Variants in WDR82 observed in about 807,000 individuals in gnomAD.
WDR82 encodes the protein WD repeat domain 82, also known as WD repeat-containing protein 82.
Under a neutral mutation model 36.1 loss-of-function variants are expected in WDR82, and 8 were observed. The ratio of observed to expected loss-of-function variants is 0.22; its 90% CI spans 0.13 to 0.40. The LOEUF (loss-of-function observed/expected upper bound fraction) is 0.40. WDR82 is among the 10% of genes least tolerant of loss of function. The pLI is 1.00. For missense variants in WDR82, 185 were observed against 400.5 expected (o/e 0.46, Z 4.59); for synonymous variants, 129 against 137.8 (o/e 0.94, Z 0.45).
At chr3:52,268,571 A>G (rs1441791167) in intron 2 of WDR82, among the ~76,000 whole-genome samples, 4 of 152,224 alleles carry the variant, frequency 2.6e-5, no homozygotes, top group East Asian at 1.9e-4. Context: ...GGATGATCAC[A>G]TAGACATGTT....
Position 52,278,237 on chromosome 3 carries a change from T to A in WDR82, c.125A>T (p.Asp42Val). The A allele has an allele frequency of 6.2e-7, 1 of 1,608,084 alleles. No homozygotes were observed. Among genetic ancestry groups the A allele is most frequent in the Non-Finnish European group, 8.5e-7 (1 of 1,177,406 alleles). ...NGETVISSSD[D>V]DSIVLYDCQE... ...GCAGTCATAGAGCACGATGGAGTCG[T>A]CGTCGCTACTCGAGATGACCGTCTC... Residue 42 changes from aspartate (D) to valine (V), a missense_variant, in exon 1 of 9, where the codon GAC becomes GTC. Physicochemically the swap from Asp to Val is radical, Grantham distance 152. Around this residue, in one of 3 missense-constraint regions of WDR82, gnomAD observed 49 missense variants for 80.6 expected, o/e 0.61. Coordinates refer to ENST00000296490, the MANE Select transcript of WDR82 (RefSeq NM_025222.4).
At chr3:52,274,691 G>A (rs546698392) in intron 1 of WDR82, among the ~76,000 whole-genome samples, 1 of 151,950 alleles carries the variant, frequency 6.6e-6, no homozygotes, top group African/African-American at 2.4e-5. Context: ...ATCACTTGAG[G>A]TAAGATGTTG....
At position 52,258,723 on chromosome 3, in the gene WDR82, AC is replaced by A. The variant is rs752847442; in HGVS notation, c.770-46del. 4.8e-5 allele frequency: 78 copies of A among 1,611,862 alleles called. No homozygotes were observed. The South Asian group carries it at 8.2e-4, about 17-fold the overall frequency. ...AAAATGTAACAGCTCAAGGCGCAAT[AC>A]AAAGACAACTGGAAATGAGACATGG... On this transcript the variant is annotated intron_variant, in intron 7 of 8. Coordinates refer to ENST00000296490, the MANE Select transcript of WDR82 (RefSeq NM_025222.4).
In WDR82 at chr3:52,278,420, G is replaced by A; in HGVS notation, c.-59C>T. ...GCCGGGGCGGGGCCCGGCGGCGAGC[G>A]GGCGGGCTGCCGAGGGGCCAACCCA... On this transcript the variant is annotated 5_prime_UTR_variant, in exon 1 of 9. Transcript: ENST00000296490. 7 of 1,229,758 alleles carry A rather than the reference G, an allele frequency of 5.7e-6. No homozygotes were observed. The highest frequency in any genetic ancestry group is 2.7e-5 in the South Asian group (1 of 36,928). The allele number at this position is 1,229,758 out of a possible 1,614,324, so 76.2% of individuals were successfully genotyped here. A position where few individuals can be genotyped will look rare whatever the true frequency, so the allele number is the denominator to read the frequency against.
chr3:52,270,126 G>A (rs937481877), intron 2 of WDR82, among the ~76,000 whole-genome samples: 8 of 152,104 alleles, frequency 5.3e-5, no homozygotes, highest in African/African-American at 1.9e-4. Context: ...TGTTCTAAAA[G>A]TGTTCTTTTT....
chr3:52,257,284 C>T lies in WDR82; in HGVS notation c.*206G>A. 1 of 643,468 alleles carries T rather than the reference C, an allele frequency of 1.6e-6. No individual in the cohort carries two copies. Among genetic ancestry groups the T allele is most frequent in the South Asian group, 2.0e-5 (1 of 50,166 alleles). The allele number at this position is 643,468 out of a possible 1,614,324, so 39.9% of individuals were successfully genotyped here. A position where few individuals can be genotyped will look rare whatever the true frequency, so the allele number is the denominator to read the frequency against. On this transcript the variant is annotated 3_prime_UTR_variant, in exon 9 of 9. Transcript: ENST00000296490. The stretch of plus-strand genomic sequence containing the variant: ...TAGAAAAGCTGAGTTCCAATTGAGT[C>T]TGTTGCACCAAGAGTCCTTTTGAAG...
chr3:52,271,290 C>A (rs1168473537), intron 1 of WDR82, among the ~76,000 whole-genome samples: 1 of 152,142 alleles, frequency 6.6e-6, no homozygotes, highest in Non-Finnish European at 1.5e-5. Flanking sequence ...TAATTGCCTA[C>A]AGTATTCAGT....
At chr3:52,267,627 A>C (rs1373373928) in intron 2 of WDR82, 1 of 152,540 alleles carries the variant, frequency 6.6e-6, no homozygotes, top group East Asian at 1.9e-4. Context: ...AAAGATCTTA[A>C]GACATTAAAA....
intron 2 of WDR82, chr3:52,267,481 G>C (rs1384031021): frequency 6.3e-6 from 1 of 159,804 alleles, no homozygotes; most frequent in Non-Finnish European, 1.4e-5. Context: ...TTGAACCCTG[G>C]CAGCAATTTT....
In WDR82 at chr3:52,263,283, G is replaced by C. The variant is rs568547702; in HGVS notation, c.327-1804C>G. ...GACCGTAAGGAATTTTAACTGTCCA[G>C]TCCACATGACTCCAAGAGGACCAGA... On this transcript the variant is annotated intron_variant, in intron 3 of 8. Transcript: ENST00000296490. Among the ~76,000 whole-genome samples the C allele has an allele frequency of 2.0e-5, 3 of 152,336 alleles. No individual in the cohort carries two copies. In the East Asian group the frequency reaches 5.8e-4, roughly 29 times the overall value.
chr3:52,259,893 T>C (rs1382769645), intron 5 of WDR82, 21 bp from the exon 6 acceptor site: 1 of 1,606,300 alleles, frequency 6.2e-7, no homozygotes, highest in Admixed American at 1.7e-5. Context: ...TAAAAAACAG[T>C]AGCCCCAGGC....
intron 1 of WDR82, among the ~76,000 whole-genome samples, chr3:52,275,779 G>A (rs1163726520): frequency 6.6e-6 from 1 of 152,166 alleles, no homozygotes; most frequent in East Asian, 1.9e-4. Flanking sequence ...AGCTACTCAG[G>A]AGGCTGAGGC....
In WDR82 at chr3:52,260,402, G is replaced by C. The variant is rs1279681342; in HGVS notation, c.526C>G (p.Leu176Val). The change falls in exon 5 of 9, where the codon CTT (leucine) becomes GTT (valine). Residue 176 changes from leucine (L) to valine (V), a missense_variant. Physicochemically the swap from Leu to Val is conservative, Grantham distance 32. This residue lies in a region of WDR82 where 110 missense variants were observed against 212.6 expected (regional missense o/e 0.52). Coordinates refer to ENST00000296490, the MANE Select transcript of WDR82 (RefSeq NM_025222.4). ...AGATTTACCTTATCAAAAGAACGAA[G>C]GTCATAAAGCTTGACCATTTCAGAG... Reference protein sequence around the residue: ...VNSEMVKLYDLRSFDKGPFAT... With the variant: ...VNSEMVKLYDVRSFDKGPFAT... 1 of 1,566,548 alleles carries C rather than the reference G, an allele frequency of 6.4e-7. No homozygotes were observed. The highest frequency in any genetic ancestry group is 8.6e-7 in the Non-Finnish European group (1 of 1,164,310).
In WDR82 at chr3:52,278,531, G is replaced by A. The variant is rs952786502; in HGVS notation, c.-170C>T. 3.6e-5 allele frequency: 19 copies of A among 524,480 alleles called. No homozygotes were observed. The highest frequency in any genetic ancestry group is 5.3e-4 in the Middle Eastern group (1 of 1,888). 32.5% of individuals were successfully genotyped at this position (524,480 alleles called of 1,614,324 possible). Reference sequence around the variant, plus strand: ...TCCTCTTCTTCCTGCTTGGTCGAGGGTCTTCTGCCTGGACTGTGGAGCCTC... The same window carrying A: ...TCCTCTTCTTCCTGCTTGGTCGAGGATCTTCTGCCTGGACTGTGGAGCCTC... On this transcript the variant is annotated 5_prime_UTR_variant, in exon 1 of 9. Coordinates refer to ENST00000296490, the MANE Select transcript of WDR82 (RefSeq NM_025222.4).
intron 1 of WDR82, among the ~76,000 whole-genome samples, chr3:52,273,634 T>G (rs1235600177): frequency 6.6e-6 from 1 of 152,208 alleles, no homozygotes; most frequent in Non-Finnish European, 1.5e-5. Flanking sequence ...ATTATTTTTA[T>G]GTTTTTGAGA....
rs758750004 is a variant in WDR82, at chr3:52,256,083, G to A, written c.*1407C>T. 1.3e-5 allele frequency: 2 copies of A among 153,706 alleles called. No homozygotes were observed. Among genetic ancestry groups the A allele is most frequent in the Non-Finnish European group, 2.9e-5 (2 of 68,062 alleles). 9.5% of individuals were successfully genotyped at this position (153,706 alleles called of 1,614,324 possible). A position where few individuals can be genotyped will look rare whatever the true frequency, so the allele number is the denominator to read the frequency against. On this transcript the variant is annotated 3_prime_UTR_variant, in exon 9 of 9. Transcript: ENST00000296490. ...ACAGGCACAGACAGAGTACCACCAAGCAAAAAGGGGGCTAATACTGCAGAG... is the reference window on the plus strand; with the variant it reads ...ACAGGCACAGACAGAGTACCACCAAACAAAAAGGGGGCTAATACTGCAGAG...
At chr3:52,274,842 G>A (rs1393407917) in intron 1 of WDR82, among the ~76,000 whole-genome samples, 10 of 151,726 alleles carry the variant, frequency 6.6e-5, no homozygotes, top group Non-Finnish European at 1.5e-4. Context: ...CGAGGTTGCA[G>A]CAGTGAGCCA....
In WDR82 at chr3:52,259,749, C is replaced by A. The variant is rs767901905; in HGVS notation, c.667G>T (p.Ala223Ser). 1 of 1,613,992 alleles carries A rather than the reference C, an allele frequency of 6.2e-7. No homozygotes were observed. Among genetic ancestry groups the A allele is most frequent in the Non-Finnish European group, 8.5e-7 (1 of 1,179,936 alleles). ...GTGTGCATCACCACTCCTTTGAATG[C>A]ATCAATCAGACGAATGAAGCTGCCG... ...TNGSFIRLID[A>S]FKGVVMHTFG... is the part of the protein sequence containing the mutation. Residue 223 changes from alanine to serine, a missense_variant, in exon 6 of 9, where the codon GCA (alanine) becomes TCA (serine). Coordinates refer to ENST00000296490, the MANE Select transcript of WDR82 (RefSeq NM_025222.4).
intron 7 of WDR82, among the ~76,000 whole-genome samples, 190 bp downstream of exon 7, chr3:52,259,007 G>A (rs1417018935): frequency 6.6e-6 from 1 of 152,224 alleles, no homozygotes; most frequent in Non-Finnish European, 1.5e-5. Context: ...ATAAGGTAGT[G>A]CTTGTGGAGT....
Sources: allele counts gnomAD v4.1 joint callset (sites outside exome capture counted in the v4.1 genomes callset), GRCh38; gene constraint gnomAD v4.1.1; regional missense constraint gnomAD v4.1.1; transcripts MANE v1.5; gene names NCBI Gene and HGNC (gene_info 2026-07-23, HGNC 2026-07-21).